PDE1A: variants seen among roughly 807,000 people sequenced by gnomAD.
PDE1A encodes the protein dual specificity calcium/calmodulin-dependent 3',5'-cyclic nucleotide phosphodiesterase 1A.
PDE1A carries 35 observed loss-of-function variants against 61.7 expected under a neutral mutation model. That is an observed-to-expected ratio of 0.57 (90% confidence interval 0.43 to 0.75). PDE1A has a LOEUF of 0.75. Ranked by LOEUF, PDE1A falls within the 30% of genes least tolerant of loss-of-function variation. The pLI, the probability that PDE1A is intolerant of heterozygous loss-of-function variation, is 0.00. For synonymous variants in PDE1A, 232 were observed against 213.2 expected (o/e 1.09, Z -0.77); for missense variants, 597 against 630.6 (o/e 0.95, Z 0.57).
In PDE1A at chr2:182,392,085, C is replaced by T. The variant is rs147787313; in HGVS notation, c.53+34493G>A. On this transcript the variant is annotated intron_variant, in intron 1 of 13. Coordinates refer to ENST00000351439, the Ensembl canonical transcript of PDE1A. ...TCTCTCCCATCCTTCCCCAGGGAGA[C>T]ATCCAGCCTTTTACTAGGGTGTATC... Among the ~76,000 whole-genome samples the T allele has an allele frequency of 8.2e-3, 1,249 of 152,246 alleles. 16 individuals are homozygous for T. Among genetic ancestry groups the T allele is most frequent in the African/African-American group, 0.029 (1,187 of 41,528 alleles).
chr2:182,569,254 AATATATATATATAT>A, the PDE1A span, among the ~76,000 whole-genome samples: 1 of 138,538 alleles, frequency 7.2e-6, no homozygotes, highest in Admixed American at 7.4e-5. Context: ...ACCTGTCTCA[AATATATATATATAT>A]ATATATATGT....
At chr2:182,603,601 C>A in the PDE1A span, among the ~76,000 whole-genome samples, 1 of 152,164 alleles carries the variant, frequency 6.6e-6, no homozygotes, top group Non-Finnish European at 1.5e-5. Context: ...CCGCCCACCT[C>A]GGCCTCCCAA....
chr2:182,617,417 G>A, the PDE1A span, among the ~76,000 whole-genome samples: 4 of 152,172 alleles, frequency 2.6e-5, no homozygotes, highest in East Asian at 1.9e-4. Context: ...CCTGGCCCCT[G>A]CTCTATGGAC....
At chr2:182,488,924 A>G (rs1688198184) in intron 2 of PDE1A, among the ~76,000 whole-genome samples, 1 of 152,264 alleles carries the variant, frequency 6.6e-6, no homozygotes, top group South Asian at 2.1e-4. Flanking sequence ...GTTCAAAAGC[A>G]AAGTAAAAGT....
chr2:182,183,704 C>T (rs904310473), intron 13 of PDE1A, among the ~76,000 whole-genome samples: 2 of 143,326 alleles, frequency 1.4e-5, no homozygotes, highest in Non-Finnish European at 3.0e-5. Flanking sequence ...AAATTCAAGA[C>T]AAGTTTTTTA....
At position 182,357,873 on chromosome 2, in the gene PDE1A, A is replaced by G. The variant is rs904757819; in HGVS notation, c.53+68705T>C. On this transcript the variant is annotated intron_variant, in intron 1 of 13. Transcript: ENST00000351439. Reference sequence around the variant, plus strand: ...GCACATGCCTCAAAGAAATAAATGGACTTTTATCAGTAGATCATGAAATAT... The same window carrying G: ...GCACATGCCTCAAAGAAATAAATGGGCTTTTATCAGTAGATCATGAAATAT... Among the ~76,000 whole-genome samples the G allele has an allele frequency of 1.5e-4, 23 of 152,322 alleles. 1 individual carries two copies. Among genetic ancestry groups the G allele is most frequent in the Admixed American group, 1.2e-3 (18 of 15,300 alleles).
the PDE1A span, among the ~76,000 whole-genome samples, chr2:182,653,137 C>A: frequency 6.6e-6 from 1 of 152,148 alleles, no homozygotes; most frequent in African/African-American, 2.4e-5. Context: ...GAAGTAGTCA[C>A]AATTGCAGGT....
chr2:182,529,120 C>T, the PDE1A span, among the ~76,000 whole-genome samples: 1 of 152,210 alleles, frequency 6.6e-6, no homozygotes, highest in South Asian at 2.1e-4. Flanking sequence ...CTACAAACAG[C>T]TTGCACCGTG....
chr2:182,312,829 A>G (rs1696076176), intron 1 of PDE1A, among the ~76,000 whole-genome samples: 1 of 129,548 alleles, frequency 7.7e-6, no homozygotes, highest in African/African-American at 3.0e-5. Context: ...TTTATGTTTT[A>G]CCAAAAAAAA....
chr2:182,457,240 A>C (rs1478070337), intron 2 of PDE1A, among the ~76,000 whole-genome samples: 2 of 151,896 alleles, frequency 1.3e-5, no homozygotes, highest in South Asian at 4.1e-4. Context: ...AAATTTTTAT[A>C]CTCTAAAATA....
chr2:182,695,680 A>AAAAAAG, the PDE1A span, among the ~76,000 whole-genome samples: 16 of 97,856 alleles, frequency 1.6e-4, no homozygotes, highest in East Asian at 5.2e-4. Context: ...AAAAAAAAAA[A>AAAAAAG]AAAAAGAAAA....
chr2:182,274,680 TTCTC>T (rs950578858), intron 1 of PDE1A, among the ~76,000 whole-genome samples: 5 of 152,038 alleles, frequency 3.3e-5, no homozygotes, highest in East Asian at 1.9e-4. Context: ...ATTTGATTGA[TTCTC>T]TCTCTCTCTT....
At chr2:182,592,458 A>C in the PDE1A span, among the ~76,000 whole-genome samples, 14 of 152,340 alleles carry the variant, frequency 9.2e-5, no homozygotes, top group South Asian at 2.9e-3. Flanking sequence ...CATGGGGTGC[A>C]TTTACACTTG....
intron 1 of PDE1A, among the ~76,000 whole-genome samples, chr2:182,413,786 G>A (rs1702756935): frequency 6.6e-6 from 1 of 152,078 alleles, no homozygotes; most frequent in Non-Finnish European, 1.5e-5. Flanking sequence ...AAATCCTCTT[G>A]TAATCCTGTG....
At position 182,214,301 on chromosome 2, in the gene PDE1A, T is replaced by G. The variant is rs1443548100; in HGVS notation, c.777-8236A>C. Among the ~76,000 whole-genome samples the G allele has an allele frequency of 3.3e-5, 5 of 151,942 alleles. No individual in the cohort carries two copies. In the South Asian group the frequency reaches 6.2e-4, roughly 19 times the overall value. On this transcript the variant is annotated intron_variant, in intron 7 of 13. Coordinates refer to ENST00000351439, the Ensembl canonical transcript of PDE1A. The stretch of plus-strand genomic sequence containing the variant: ...GAAAGGAACAACCAGTACCAGCCAC[T>G]GCAAAATCATGCCAAATTGTAAAGA...
chr2:182,537,531 G>A, the PDE1A span, among the ~76,000 whole-genome samples: 255 of 152,202 alleles, frequency 1.7e-3, 1 homozygote, highest in Non-Finnish European at 2.7e-3. Flanking sequence ...ATAGCATTAG[G>A]AGAAATACCT....
rs556740384 is a variant in PDE1A at position 182,388,042 on chromosome 2, C to G, written c.53+38536G>C. On this transcript the variant is annotated intron_variant, in intron 1 of 13. Coordinates refer to ENST00000351439, the Ensembl canonical transcript of PDE1A. ...AAGAGCAGGAGTAACTATACCTATA[C>G]AGACAAAATAGACTTTAAGTAAAAC... Among the ~76,000 whole-genome samples, 10 of 152,188 alleles carry G rather than the reference C, an allele frequency of 6.6e-5. No individual in the cohort carries two copies. In the South Asian group the frequency reaches 2.1e-3, roughly 32 times the overall value.
chr2:182,480,857 G>A (rs1053068254), intron 2 of PDE1A, among the ~76,000 whole-genome samples: 7 of 151,848 alleles, frequency 4.6e-5, no homozygotes, highest in Non-Finnish European at 7.4e-5. Context: ...GCTTTAGGGA[G>A]GCTGCATTCA....
intron 2 of PDE1A, among the ~76,000 whole-genome samples, chr2:182,258,253 C>T (rs1057297458): frequency 1.3e-5 from 2 of 152,106 alleles, no homozygotes; most frequent in African/African-American, 2.4e-5. Context: ...CTGATTTTAG[C>T]TTCAGTTTGG....
Sources: gnomAD v4.1 joint callset for allele counts (sites outside exome capture counted in the v4.1 genomes callset) on GRCh38, gnomAD v4.1.1 for gene constraint, MANE v1.5 for transcripts, NCBI Gene and HGNC (gene_info 2026-07-23, HGNC 2026-07-21) for gene names.